Variants in ARSJ observed in about 807,000 individuals in gnomAD.
ARSJ encodes the protein arylsulfatase J.
In ARSJ, 26 loss-of-function variants were observed where a neutral mutation model predicts 35.9. The observed-to-expected ratio is 0.72, with a 90% CI of 0.53 to 1.00. The LOEUF (loss-of-function observed/expected upper bound fraction) is 1.00, where lower values mean the gene tolerates loss of function less well. Ranked by LOEUF, ARSJ falls within the 50% of genes least tolerant of loss-of-function variation. The pLI is 0.00. For synonymous variants in ARSJ, 294 were observed against 267.6 expected (o/e 1.10, Z -0.96); for missense variants, 667 against 723.6 (o/e 0.92, Z 0.90).
chr4:113,929,634 C>T (rs1724302679), intron 1 of ARSJ, among the ~76,000 whole-genome samples: 1 of 152,078 alleles, frequency 6.6e-6, no homozygotes, highest in African/African-American at 2.4e-5. Context: ...GTGCAGGCAC[C>T]TTTTTTGGCA....
intron 1 of ARSJ, among the ~76,000 whole-genome samples, chr4:113,972,070 T>C (rs534989698): frequency 5.1e-4 from 78 of 152,248 alleles, no homozygotes; most frequent in African/African-American, 1.8e-3. Flanking sequence ...TTTGTAGTAT[T>C]TTGTAAACTG....
intron 1 of ARSJ, chr4:113,943,424 T>C (rs769996286): frequency 2.6e-5 from 4 of 152,030 alleles, no homozygotes; most frequent in Non-Finnish European, 4.4e-5. Flanking sequence ...AATTCCTCTG[T>C]AAATATCTCA....
At chr4:113,903,734 A>C in intron 1 of ARSJ, 59 bp from the exon 2 acceptor site, 9 of 1,504,514 alleles carry the variant, frequency 6.0e-6, no homozygotes, top group Non-Finnish European at 8.0e-6. Flanking sequence ...TTCTACATAA[A>C]ACAATGATCC....
At chr4:113,939,113 C>A (rs1277491786) in intron 1 of ARSJ, among the ~76,000 whole-genome samples, 1 of 146,734 alleles carries the variant, frequency 6.8e-6, no homozygotes, top group African/African-American at 2.5e-5. Flanking sequence ...TGCCTGTGTC[C>A]ATGTGTTCTC....
chr4:113,933,908 A>G (rs1456293829), intron 1 of ARSJ, among the ~76,000 whole-genome samples: 1 of 151,834 alleles, frequency 6.6e-6, no homozygotes, highest in Admixed American at 6.6e-5. Flanking sequence ...AGGCAAGAGA[A>G]AGAAAGAAAA....
Position 113,903,809 on chromosome 4 carries a change from C to T in ARSJ, c.399-134G>A, listed in dbSNP as rs1023047775. On this transcript the variant is annotated intron_variant, in intron 1 of 1. Coordinates refer to ENST00000315366, the MANE Select transcript of ARSJ (RefSeq NM_024590.4). The stretch of plus-strand genomic sequence containing the variant: ...TATAATTGACCCCAATGATAAATGA[C>T]CAATTCAGCATTTCTGCTCTTTACT... 3.2e-5 allele frequency: 39 copies of T among 1,229,902 alleles called. No homozygotes were observed. In the South Asian group the frequency reaches 6.4e-4, roughly 20 times the overall value. 76.2% of individuals were successfully genotyped at this position (1,229,902 alleles called of 1,614,324 possible).
rs754966708 is a variant in ARSJ at position 113,903,536 on chromosome 4, C to T, written c.538G>A (p.Gly180Ser). Reference protein sequence around the residue: ...STHMVGKWHLGFYRKECMPTR... With the variant: ...STHMVGKWHLSFYRKECMPTR... Reference sequence around the variant, plus strand: ...GGCATGCATTCTTTTCTGTAAAAACCCAAGTGCCATTTTCCGACCATATGC... The same window carrying T: ...GGCATGCATTCTTTTCTGTAAAAACTCAAGTGCCATTTTCCGACCATATGC... Residue 180 changes from glycine to serine, a missense_variant, in exon 2 of 2, where the codon GGT becomes AGT. Gly to Ser is a moderately conservative substitution (Grantham distance 56). Transcript: ENST00000315366. 4 of 1,614,162 alleles carry T rather than the reference C, an allele frequency of 2.5e-6. No individual in the cohort carries two copies. The highest frequency in any genetic ancestry group is 3.4e-6 in the Non-Finnish European group (4 of 1,180,020).
intron 1 of ARSJ, among the ~76,000 whole-genome samples, chr4:113,939,342 G>C (rs1432587708): frequency 3.4e-5 from 5 of 148,952 alleles, no homozygotes; most frequent in Admixed American, 6.8e-5. Flanking sequence ...CCAAGTCTTT[G>C]CTATTGTGAA....
rs559296371 is a variant in ARSJ, at chr4:113,922,647, T to C, written c.399-18972A>G. Among the ~76,000 whole-genome samples, 5 of 152,204 alleles carry C rather than the reference T, an allele frequency of 3.3e-5. No individual in the cohort carries two copies. The South Asian group carries it at 1.0e-3, about 32-fold the overall frequency. ...CAAGAAAGTACTATTTGATAGTAAT[T>C]AGATAGCATCAAAAAGATTTACAGT... On this transcript the variant is annotated intron_variant, in intron 1 of 1. Coordinates refer to ENST00000315366, the MANE Select transcript of ARSJ (RefSeq NM_024590.4).
At chr4:113,975,643 C>A (rs1466365480) in intron 1 of ARSJ, among the ~76,000 whole-genome samples, 1 of 152,154 alleles carries the variant, frequency 6.6e-6, no homozygotes, top group Non-Finnish European at 1.5e-5. Flanking sequence ...CTCTTAGAAT[C>A]TGTTGCCACA....
Position 113,903,531 on chromosome 4 carries a change from A to C in ARSJ, c.543T>G (p.Phe181Leu). ...TGGTGGGCATGCATTCTTTTCTGTA[A>C]AAACCCAAGTGCCATTTTCCGACCA... ...THMVGKWHLG[F>L]YRKECMPTRR... The change falls in exon 2 of 2, where the codon TTT becomes TTG. Residue 181 changes from phenylalanine to leucine, a missense_variant. Transcript: ENST00000315366. 1 of 1,614,192 alleles carries C rather than the reference A, an allele frequency of 6.2e-7. No homozygotes were observed. The highest frequency in any genetic ancestry group is 8.5e-7 in the Non-Finnish European group (1 of 1,180,024).
intron 1 of ARSJ, among the ~76,000 whole-genome samples, chr4:113,937,071 G>C (rs1327312329): frequency 6.6e-6 from 1 of 151,898 alleles, no homozygotes; most frequent in Non-Finnish European, 1.5e-5. Context: ...ATAAATAACT[G>C]TGTTCACTCA....
At position 113,902,464 on chromosome 4, in the gene ARSJ, G is replaced by T. The variant is rs757481578; in HGVS notation, c.1610C>A (p.Pro537His). The T allele has an allele frequency of 1.2e-6, 2 of 1,613,982 alleles. No individual in the cohort carries two copies. The highest frequency in any genetic ancestry group is 1.3e-5 in the African/African-American group (1 of 74,968). Residue 537 changes from proline (P) to histidine (H), a missense_variant, in exon 2 of 2, where the codon CCC becomes CAC. Physicochemically the swap from Pro to His is moderately conservative, Grantham distance 77. Coordinates refer to ENST00000315366, the MANE Select transcript of ARSJ (RefSeq NM_024590.4). ...CCTAGGGTTACTTCTGGGGTCTTTG[G>T]GGGGATACCTGACCGGCACTGCAGT... ...NKTAVPVRYP[P>H]KDPRSNPRLN...
At chr4:113,972,424 C>T (rs1474158312) in intron 1 of ARSJ, among the ~76,000 whole-genome samples, 3 of 151,860 alleles carry the variant, frequency 2.0e-5, no homozygotes, top group African/African-American at 7.3e-5. Flanking sequence ...GTCTATGTCC[C>T]TCCTCTACTC....
intron 1 of ARSJ, among the ~76,000 whole-genome samples, chr4:113,967,030 G>C (rs904267109): frequency 5.9e-5 from 9 of 152,158 alleles, no homozygotes; most frequent in African/African-American, 1.7e-4. Flanking sequence ...CTCCCTACGA[G>C]GCTCAGTTGG....
chr4:113,923,522 G>A (rs912956858), intron 1 of ARSJ, among the ~76,000 whole-genome samples: 37 of 152,020 alleles, frequency 2.4e-4, no homozygotes, highest in African/African-American at 8.7e-4. Flanking sequence ...TCTAATTAGC[G>A]TTAGATTTTC....
chr4:113,975,405 T>C (rs1164144890), intron 1 of ARSJ, among the ~76,000 whole-genome samples: 2 of 152,204 alleles, frequency 1.3e-5, no homozygotes, highest in Admixed American at 1.3e-4. Flanking sequence ...AAACTTATAA[T>C]TCACTTTATG....
chr4:113,976,212 T>C (rs1233678559), intron 1 of ARSJ, among the ~76,000 whole-genome samples: 4 of 152,234 alleles, frequency 2.6e-5, no homozygotes, highest in African/African-American at 9.6e-5. Flanking sequence ...GCTTCAATTA[T>C]GTAAACTCTT....
intron 1 of ARSJ, among the ~76,000 whole-genome samples, chr4:113,967,045 T>C (rs1367295255): frequency 3.3e-5 from 5 of 152,148 alleles, no homozygotes; most frequent in Non-Finnish European, 7.4e-5. Context: ...AGTTGGTTGG[T>C]AGGTTTGGTG....
Sources: allele counts gnomAD v4.1 joint callset (sites outside exome capture counted in the v4.1 genomes callset), GRCh38; gene constraint gnomAD v4.1.1; transcripts MANE v1.5; gene names NCBI Gene and HGNC (gene_info 2026-07-23, HGNC 2026-07-21).